Variants in KCNA2 observed in about 807,000 individuals in gnomAD.
KCNA2 encodes potassium channel, voltage gated shaker related subfamily A, member 2.
In KCNA2, 11 loss-of-function variants were observed where a neutral mutation model predicts 33.4. The observed-to-expected ratio is 0.33, with a 90% CI of 0.21 to 0.55. The LOEUF (loss-of-function observed/expected upper bound fraction) is 0.55, where lower values mean the gene tolerates loss of function less well. Ranked by LOEUF, KCNA2 falls within the 20% of genes least tolerant of loss-of-function variation. The pLI, the probability that KCNA2 is intolerant of heterozygous loss-of-function variation, is 0.93. For missense variants in KCNA2, 291 were observed against 621.6 expected (o/e 0.47, Z 5.66); for synonymous variants, 222 against 231.3 (o/e 0.96, Z 0.37).
At position 110,603,220 on chromosome 1, in the gene KCNA2, G is replaced by A. The variant is rs1557731422; in HGVS notation, c.*63C>T. The A allele has an allele frequency of 1.3e-6, 2 of 1,542,496 alleles. No individual in the cohort carries two copies. Among genetic ancestry groups the A allele is most frequent in the East Asian group, 4.5e-5 (2 of 44,428 alleles). On this transcript the variant is annotated 3_prime_UTR_variant, in exon 3 of 3. Transcript: ENST00000316361. This position sits in a 1 kb window ranked among gnomAD's most constrained non-coding sequence, Gnocchi z 5.7. ...CACTGTAGAACACACTGACTACAAT[G>A]CAGGCTATTATGCAACATCTGCATT...
rs1366525800 is a variant in KCNA2 at position 110,598,484 on chromosome 1, T to A, written c.*4799A>T. On this transcript the variant is annotated 3_prime_UTR_variant, in exon 3 of 3. Transcript: ENST00000316361. ...CAGAGGGTGCTGTCCTCTCTCCACA[T>A]GGGTTGATACTGATAGAGTCCTCAC... 2 of 985,202 alleles carry A rather than the reference T, an allele frequency of 2.0e-6. No individual in the cohort carries two copies. Among genetic ancestry groups the A allele is most frequent in the East Asian group, 1.1e-4 (1 of 8,796 alleles). 61.0% of individuals were successfully genotyped at this position (985,202 alleles called of 1,614,324 possible). A position where few individuals can be genotyped will look rare whatever the true frequency, so the allele number is the denominator to read the frequency against.
rs200107528 is a variant in KCNA2, at chr1:110,603,486, T to C, written c.1297A>G (p.Thr433Ala). ...GAGGATGGGATCTTTGGACAGCTTG[T>C]CACTTGCAAGTATTGGGCCTGTTCC... ...GEEQAQYLQV[T>A]SCPKIPSSPD... The change falls in exon 3 of 3, where the codon ACA (threonine) becomes GCA (alanine). Residue 433 changes from threonine to alanine, a missense_variant. Transcript: ENST00000316361. This position sits in a 1 kb window ranked among gnomAD's most constrained non-coding sequence, Gnocchi z 5.7. 117 of 1,613,998 alleles carry C rather than the reference T, an allele frequency of 7.2e-5. No individual in the cohort carries two copies. The highest frequency in any genetic ancestry group is 9.7e-5 in the Non-Finnish European group (115 of 1,180,016).
chr1:110,605,536 G>C lies in KCNA2; in HGVS notation c.-309C>G, dbSNP rs1466149095. 1 of 152,582 alleles carries C rather than the reference G, an allele frequency of 6.6e-6. No individual in the cohort carries two copies. Among genetic ancestry groups the C allele is most frequent in the Non-Finnish European group, 1.5e-5 (1 of 68,270 alleles). 9.5% of individuals were successfully genotyped at this position (152,582 alleles called of 1,614,324 possible). On this transcript the variant is annotated 5_prime_UTR_variant, in exon 2 of 3. Coordinates refer to ENST00000316361, the MANE Select transcript of KCNA2 (RefSeq NM_004974.4). ...GTGAGTCATTCTGGGCAGAAGGGCA[G>C]ACTCTGGGTCCTGGAGGTGAGCTCT...
At chr1:110,611,231 A>T (rs1557736409), upstream of KCNA2, among the ~76,000 whole-genome samples, 1 of 152,220 alleles carries the variant, frequency 6.6e-6, no homozygotes, top group Non-Finnish European at 1.5e-5. Context: ...TCTGCCTGAC[A>T]TTTGAGAACT....
intron 1 of KCNA2, among the ~76,000 whole-genome samples, chr1:110,613,853 G>A (rs1282866361): frequency 2.0e-4 from 30 of 152,176 alleles, no homozygotes; most frequent in Admixed American, 1.6e-3. Flanking sequence ...ATCCTGCTGT[G>A]CTGTTCTCAT....
At chr1:110,615,758 G>C (rs535004907) in intron 1 of KCNA2, among the ~76,000 whole-genome samples, 1 of 152,336 alleles carries the variant, frequency 6.6e-6, no homozygotes, top group East Asian at 1.9e-4. Context: ...GAAGAGTACA[G>C]GGAAGATGAC....
intron 1 of KCNA2, among the ~76,000 whole-genome samples, chr1:110,621,939 G>T (rs958473783): frequency 2.0e-5 from 3 of 152,096 alleles, no homozygotes; most frequent in Admixed American, 2.0e-4. Flanking sequence ...GTTTAAGGAA[G>T]AAATAATTCT....
intron 1 of KCNA2, among the ~76,000 whole-genome samples, chr1:110,631,039 A>G (rs955308993): frequency 6.6e-6 from 1 of 152,106 alleles, no homozygotes; most frequent in African/African-American, 2.4e-5. Flanking sequence ...TGGGAGTTAC[A>G]CTTAATGCTT....
chr1:110,602,510 T>C lies in KCNA2; in HGVS notation c.*773A>G, dbSNP rs1466765995. On this transcript the variant is annotated 3_prime_UTR_variant, in exon 3 of 3. Coordinates refer to ENST00000316361, the MANE Select transcript of KCNA2 (RefSeq NM_004974.4). Reference sequence around the variant, plus strand: ...GCAAACTCCAGTAAGAAACCAGACATGTTTTTGTGACCCTGGAGCCTGCAA... The same window carrying C: ...GCAAACTCCAGTAAGAAACCAGACACGTTTTTGTGACCCTGGAGCCTGCAA... 1 of 1,128,540 alleles carries C rather than the reference T, an allele frequency of 8.9e-7. No homozygotes were observed. Among genetic ancestry groups the C allele is most frequent in the Non-Finnish European group, 1.1e-6 (1 of 920,210 alleles). The allele number at this position is 1,128,540 out of a possible 1,614,324, so 69.9% of individuals were successfully genotyped here. A position where few individuals can be genotyped will look rare whatever the true frequency, so the allele number is the denominator to read the frequency against.
intron 1 of KCNA2, among the ~76,000 whole-genome samples, chr1:110,626,968 T>A (rs1285786452): frequency 6.6e-6 from 1 of 152,244 alleles, no homozygotes; most frequent in Non-Finnish European, 1.5e-5. Context: ...TGATGATACC[T>A]CTGTTTACTG....
Position 110,597,156 on chromosome 1 carries a change from G to A in KCNA2, c.*6127C>T. ...CAGCTTATTTTGAAAGAGAGTCAGA[G>A]GGCAATTCCCAAATCTGCCCAGGCT... On this transcript the variant is annotated 3_prime_UTR_variant, in exon 3 of 3. Transcript: ENST00000316361. 1 of 985,274 alleles carries A rather than the reference G, an allele frequency of 1.0e-6. No individual in the cohort carries two copies. The allele number at this position is 985,274 out of a possible 1,614,324, so 61.0% of individuals were successfully genotyped here. A position where few individuals can be genotyped will look rare whatever the true frequency, so the allele number is the denominator to read the frequency against.
chr1:110,593,846 T>C lies in KCNA2; in HGVS notation c.*9437A>G. 1.9e-6 allele frequency: 3 copies of C among 1,548,688 alleles called. No homozygotes were observed. Among genetic ancestry groups the C allele is most frequent in the South Asian group, 1.2e-5 (1 of 83,634 alleles). ...TGCAGAAGTCCTGGGTGGGGCAGTG[T>C]TGGTGGGGCTGAAAGCTTCCAGAAT... On this transcript the variant is annotated 3_prime_UTR_variant, in exon 3 of 3. Coordinates refer to ENST00000316361, the MANE Select transcript of KCNA2 (RefSeq NM_004974.4).
In KCNA2 at chr1:110,596,964, G is replaced by A; in HGVS notation, c.*6319C>T. ...GGACTCTTCTGAAGCCCCTGGCTAT[G>A]TGTGCAAATATTTGTGCAGCTGCAC... On this transcript the variant is annotated 3_prime_UTR_variant, in exon 3 of 3. Transcript: ENST00000316361. 1 of 985,464 alleles carries A rather than the reference G, an allele frequency of 1.0e-6. No homozygotes were observed. Among genetic ancestry groups the A allele is most frequent in the Non-Finnish European group, 1.2e-6 (1 of 829,938 alleles). 61.0% of individuals were successfully genotyped at this position (985,464 alleles called of 1,614,324 possible). A position where few individuals can be genotyped will look rare whatever the true frequency, so the allele number is the denominator to read the frequency against.
At position 110,594,842 on chromosome 1, in the gene KCNA2, C is replaced by T. The variant is rs1649028388; in HGVS notation, c.*8441G>A. On this transcript the variant is annotated 3_prime_UTR_variant, in exon 3 of 3. Transcript: ENST00000316361. ...GAGCTGATGTGCTCCTTTCCAGCCCCACCTGGCAGGTCAAAGTCCTTGCCC... is the reference window on the plus strand; with the variant it reads ...GAGCTGATGTGCTCCTTTCCAGCCCTACCTGGCAGGTCAAAGTCCTTGCCC... 2.0e-6 allele frequency: 2 copies of T among 984,994 alleles called. No homozygotes were observed. The highest frequency in any genetic ancestry group is 1.8e-5 in the African/African-American group (1 of 56,992). The allele number at this position is 984,994 out of a possible 1,614,324, so 61.0% of individuals were successfully genotyped here.
chr1:110,599,133 C>T lies in KCNA2; in HGVS notation c.*4150G>A, dbSNP rs1056853106. 12 of 985,298 alleles carry T rather than the reference C, an allele frequency of 1.2e-5. No individual in the cohort carries two copies. Among genetic ancestry groups the T allele is most frequent in the South Asian group, 9.4e-5 (2 of 21,284 alleles). The allele number at this position is 985,298 out of a possible 1,614,324, so 61.0% of individuals were successfully genotyped here. On this transcript the variant is annotated 3_prime_UTR_variant, in exon 3 of 3. Coordinates refer to ENST00000316361, the MANE Select transcript of KCNA2 (RefSeq NM_004974.4). ...CACTGGAAGGGAGAGTGAGACACAA[C>T]GGGATGGCTGCAGGAGCAGAAATCA...
Position 110,594,543 on chromosome 1 carries a change from G to C in KCNA2, c.*8740C>G. The stretch of plus-strand genomic sequence containing the variant: ...TATCCTTAGTGGAGAGAGGGGTGCA[G>C]GGATGCAGAAAACCAGGAAGAGGCC... On this transcript the variant is annotated 3_prime_UTR_variant, in exon 3 of 3. Transcript: ENST00000316361. 2 of 985,390 alleles carry C rather than the reference G, an allele frequency of 2.0e-6. No individual in the cohort carries two copies. Among genetic ancestry groups the C allele is most frequent in the Non-Finnish European group, 2.4e-6 (2 of 829,920 alleles). The allele number at this position is 985,390 out of a possible 1,614,324, so 61.0% of individuals were successfully genotyped here.
At position 110,596,159 on chromosome 1, in the gene KCNA2, GAA is replaced by G. The variant is rs1003400689; in HGVS notation, c.*7122_*7123del. On this transcript the variant is annotated 3_prime_UTR_variant, in exon 3 of 3. Transcript: ENST00000316361. ...TGCCTTCTAGAGAGGTCCCTAAGCA[GAA>G]AAAAAAAGAGTAGAACTGGAGAGGT... The G allele has an allele frequency of 5.1e-6, 5 of 976,162 alleles. No homozygotes were observed. Among genetic ancestry groups the G allele is most frequent in the Non-Finnish European group, 6.1e-6 (5 of 823,664 alleles). The allele number at this position is 976,162 out of a possible 1,614,324, so 60.5% of individuals were successfully genotyped here. A position where few individuals can be genotyped will look rare whatever the true frequency, so the allele number is the denominator to read the frequency against.
At chr1:110,616,804 G>A (rs2101446808) in intron 1 of KCNA2, among the ~76,000 whole-genome samples, 1 of 152,370 alleles carries the variant, frequency 6.6e-6, no homozygotes, top group Non-Finnish European at 1.5e-5. Flanking sequence ...AAGCACTGTG[G>A]GGGACACACA....
chr1:110,598,981 G>A lies in KCNA2; in HGVS notation c.*4302C>T. 1 of 985,422 alleles carries A rather than the reference G, an allele frequency of 1.0e-6. No homozygotes were observed. The highest frequency in any genetic ancestry group is 1.2e-6 in the Non-Finnish European group (1 of 829,942). 61.0% of individuals were successfully genotyped at this position (985,422 alleles called of 1,614,324 possible). A position where few individuals can be genotyped will look rare whatever the true frequency, so the allele number is the denominator to read the frequency against. On this transcript the variant is annotated 3_prime_UTR_variant, in exon 3 of 3. Transcript: ENST00000316361. ...TGAAAATGAATCCACAGAGGCACTT[G>A]ATGAAGCCAACAGGAATGGTACCTT...
Sources: allele counts gnomAD v4.1 joint callset (sites outside exome capture counted in the v4.1 genomes callset), GRCh38; gene constraint gnomAD v4.1.1; non-coding constraint Gnocchi (gnomAD v3.1); transcripts MANE v1.5; gene names NCBI Gene and HGNC (gene_info 2026-07-23, HGNC 2026-07-21).